The following CEP350 variants were observed in gnomAD, a reference collection of about 807,000 sequenced individuals.
CEP350 encodes centrosomal protein 350, also known as centrosome-associated protein 350.
A neutral mutation model predicts 331.8 loss-of-function variants in CEP350; 126 were observed. That is an observed-to-expected ratio of 0.38 (90% CI 0.33 to 0.44). The LOEUF (loss-of-function observed/expected upper bound fraction) is 0.44, where lower values mean the gene tolerates loss of function less well. Among genes scored for constraint, CEP350 ranks in the 20% least tolerant of loss-of-function variants. CEP350 has a pLI of 1.00. For synonymous variants in CEP350, 1,200 were observed against 1,259.5 expected, an observed-to-expected ratio of 0.95 and a Z score of 1.00; for missense variants, 3,406 against 3,634.6, an observed-to-expected ratio of 0.94 and a Z score of 1.62.
intron 6 of CEP350, among the ~76,000 whole-genome samples, chr1:180,002,658 C>T (rs1653944491): frequency 6.6e-6 from 1 of 152,038 alleles, no homozygotes; most frequent in Non-Finnish European, 1.5e-5. Context: ...TTCATAGCAG[C>T]ATTGTTAATA....
In CEP350 at chr1:180,078,552, G is replaced by C. The variant is rs200950160; in HGVS notation, c.5857G>C (p.Val1953Leu). ...SIPEELGSPA[V>L]EYVPSESIGQ... is the part of the protein sequence containing the mutation. ...TCCAGAAGAATTAGGCAGCCCTGCT[G>C]TTGAATATGTACCATCCGAGTCTAT... The change falls in exon 29 of 38, where the codon GTT becomes CTT. Residue 1953 changes from valine (V) to leucine (L), a missense_variant. Val to Leu is a conservative substitution (Grantham distance 32). This residue lies in a region of CEP350 where 1,415 missense variants were observed against 1,512.3 expected (regional missense o/e 0.94). Coordinates refer to ENST00000367607, the MANE Select transcript of CEP350 (RefSeq NM_014810.5). 27 of 1,613,600 alleles carry C rather than the reference G, an allele frequency of 1.7e-5. No homozygotes were observed. The Admixed American group carries it at 3.8e-4, about 23-fold the overall frequency.
intron 9 of CEP350, among the ~76,000 whole-genome samples, 200 bp from the exon 10 acceptor site, chr1:180,013,647 C>G (rs2148806517): frequency 6.6e-6 from 1 of 152,228 alleles, no homozygotes; most frequent in South Asian, 2.1e-4. Context: ...TATAGTTTTT[C>G]AGAAGATTGA....
intron 8 of CEP350, among the ~76,000 whole-genome samples, chr1:180,010,850 T>TC (rs757597836): frequency 7.9e-5 from 12 of 152,112 alleles, no homozygotes; most frequent in Non-Finnish European, 1.6e-4. Flanking sequence ...CCCCAAGCAT[T>TC]CCTCCTGCCT....
intron 4 of CEP350, 82 bp from the exon 5 acceptor site, chr1:179,991,980 A>AT (rs528374188): frequency 2.4e-3 from 2,982 of 1,217,316 alleles, no homozygotes; most frequent in Non-Finnish European, 2.6e-3. Context: ...TAGATACCTA[A>AT]TTTTTTTTTT....
rs1170357773 is a variant in CEP350 at position 180,114,541 on chromosome 1, T to C, written c.*3380T>C. 6.5e-6 allele frequency: 1 copy of C among 152,678 alleles called. No individual in the cohort carries two copies. Among genetic ancestry groups the C allele is most frequent in the Admixed American group, 6.5e-5 (1 of 15,284 alleles). The allele number at this position is 152,678 out of a possible 1,614,324, so 9.5% of individuals were successfully genotyped here. On this transcript the variant is annotated 3_prime_UTR_variant, in exon 38 of 38. Transcript: ENST00000367607. Reference sequence around the variant, plus strand: ...GTCATTTTAATTAACCTATGTTTAATAGCTTTTCCTTCTGGACTTTGCAAA... The same window carrying C: ...GTCATTTTAATTAACCTATGTTTAACAGCTTTTCCTTCTGGACTTTGCAAA...
intron 2 of CEP350, among the ~76,000 whole-genome samples, chr1:179,986,633 T>G (rs1652665894): frequency 6.6e-6 from 1 of 152,154 alleles, no homozygotes; most frequent in African/African-American, 2.4e-5. Context: ...GGCATTGATA[T>G]TTTTTGAGGG....
chr1:180,029,602 C>T (rs925854292), intron 14 of CEP350, among the ~76,000 whole-genome samples: 4 of 152,208 alleles, frequency 2.6e-5, no homozygotes, highest in Non-Finnish European at 4.4e-5. Context: ...GCTCTGTATT[C>T]ATTCAGCAAT....
At chr1:179,962,116 G>C (rs1475988705) in intron 1 of CEP350, among the ~76,000 whole-genome samples, 5 of 152,094 alleles carry the variant, frequency 3.3e-5, no homozygotes, top group African/African-American at 1.2e-4. Context: ...CAAGGTACTG[G>C]TATTACAGGC....
rs921352413 is a variant in CEP350 at position 180,107,326 on chromosome 1, G to A, written c.9190-3671G>A. 4.6e-5 allele frequency among the ~76,000 whole-genome samples: 7 copies of A among 152,122 alleles called. No homozygotes were observed. In the East Asian group the frequency reaches 1.2e-3, roughly 25 times the overall value. ...AATGGGAGCACAGAGGAAAAACTCCGAGTCTTTGAGGCAGAAACTTCCTTG... is the reference window on the plus strand; with the variant it reads ...AATGGGAGCACAGAGGAAAAACTCCAAGTCTTTGAGGCAGAAACTTCCTTG... On this transcript the variant is annotated intron_variant, in intron 37 of 37. Transcript: ENST00000367607.
At chr1:180,044,309 A>G in intron 21 of CEP350, 136 bp downstream of exon 21, 1 of 805,044 alleles carries the variant, frequency 1.2e-6, no homozygotes, top group South Asian at 2.8e-5. Flanking sequence ...TGGCTTCCCT[A>G]ATTAGCCAAT....
intron 11 of CEP350, 134 bp from the exon 12 acceptor site, chr1:180,019,815 T>G (rs527573947): frequency 3.0e-6 from 2 of 675,690 alleles, no homozygotes; most frequent in Admixed American, 3.6e-5. Context: ...CTGAGTGATC[T>G]TTATCTTTTT....
intron 25 of CEP350, among the ~76,000 whole-genome samples, chr1:180,058,346 G>A (rs1327341052): frequency 6.6e-6 from 1 of 152,178 alleles, no homozygotes; most frequent in African/African-American, 2.4e-5. Context: ...GTAGCTAGAA[G>A]CTGTCATATT....
chr1:180,039,283 G>A (rs12740375), intron 17 of CEP350, among the ~76,000 whole-genome samples: 20 of 121,488 alleles, frequency 1.6e-4, no homozygotes, highest in Middle Eastern at 4.0e-3. Flanking sequence ...AGGGAGGGAG[G>A]GAGGGAGGGG....
rs188423832 is a variant in CEP350 at position 180,077,025 on chromosome 1, C to T, written c.5768-1438C>T. 3.4e-3 allele frequency among the ~76,000 whole-genome samples: 518 copies of T among 152,122 alleles called. 1 individual carries two copies. The highest frequency in any genetic ancestry group is 0.01 in the Middle Eastern group (3 of 294). On this transcript the variant is annotated intron_variant, in intron 28 of 37. Coordinates refer to ENST00000367607, the MANE Select transcript of CEP350 (RefSeq NM_014810.5). ...TTCAGCATTGTGTAGAGGTCCTACA[C>T]AGTACATTTAAGGCTAGAAAAAGAA...
intron 9 of CEP350, 151 bp from the exon 10 acceptor site, chr1:180,013,696 C>A: frequency 1.7e-6 from 1 of 604,528 alleles, no homozygotes. Context: ...GCTTTTCTTT[C>A]CTTTTATAAT....
chr1:179,956,091 A>G (rs1021873762), intron 1 of CEP350, among the ~76,000 whole-genome samples: 1 of 152,174 alleles, frequency 6.6e-6, no homozygotes, highest in African/African-American at 2.4e-5. Context: ...CGTTTAATAT[A>G]TTGTTTTTAA....
intron 22 of CEP350, among the ~76,000 whole-genome samples, chr1:180,050,387 G>A (rs1350567319): frequency 6.6e-6 from 1 of 152,126 alleles, no homozygotes; most frequent in African/African-American, 2.4e-5. Flanking sequence ...AGAAGGCTGG[G>A]TGCAGTGGCT....
rs1406067119 is a variant in CEP350, at chr1:180,093,505, G to A, written c.7400G>A (p.Ser2467Asn). Residue 2467 changes from serine to asparagine, a missense_variant, in exon 34 of 38, where the codon AGT becomes AAT. By Grantham distance (46) the Ser-to-Asn change is conservative (BLOSUM62 1). Transcript: ENST00000367607. The stretch of plus-strand genomic sequence containing the variant: ...AAGTCCCCTACTGAGCTGATGAAAA[G>A]TAAGGAGCGCAGTGATGTGGAGCAT... ...ELKSPTELMK[S>N]KERSDVEHEQ... is the part of the protein sequence containing the mutation. 1.2e-6 allele frequency: 2 copies of A among 1,612,394 alleles called. No individual in the cohort carries two copies. The highest frequency in any genetic ancestry group is 1.1e-5 in the South Asian group (1 of 90,846).
intron 1 of CEP350, among the ~76,000 whole-genome samples, chr1:179,971,604 GT>G (rs1651460715): frequency 6.6e-6 from 1 of 152,176 alleles, no homozygotes. Context: ...GGGATTACAG[GT>G]GTGACCCACT....
Sources: gnomAD v4.1 joint callset for allele counts (sites outside exome capture counted in the v4.1 genomes callset) on GRCh38, gnomAD v4.1.1 for gene constraint, gnomAD v4.1.1 regional missense constraint, MANE v1.5 for transcripts, NCBI Gene and HGNC (gene_info 2026-07-23, HGNC 2026-07-21) for gene names.